DCTN5: variants seen among roughly 807,000 people sequenced by gnomAD.
DCTN5 encodes the protein dynactin subunit 5.
Under a neutral mutation model 23.5 loss-of-function variants are expected in DCTN5, and 14 were observed. The observed-to-expected ratio is 0.60, with a 90% confidence interval of 0.39 to 0.93. The LOEUF is 0.93. DCTN5 is among the 40% of genes least tolerant of loss of function. The pLI, the probability that DCTN5 is intolerant of heterozygous loss-of-function variation, is 0.00. For missense variants in DCTN5, 156 were observed against 225.9 expected (o/e 0.69, Z 1.98); for synonymous variants, 67 against 79.6 (o/e 0.84, Z 0.84).
chr16:23,665,132 G>C (rs113480112), intron 4 of DCTN5, among the ~76,000 whole-genome samples: 1,702 of 152,312 alleles, frequency 0.011, 30 homozygotes, highest in African/African-American at 0.039. Context: ...CCCAGCAAAA[G>C]CCCTGAGGTT....
intron 2 of DCTN5, among the ~76,000 whole-genome samples, chr16:23,644,785 A>G (rs920547296): frequency 6.7e-6 from 1 of 149,234 alleles, no homozygotes; most frequent in African/African-American, 2.5e-5. Flanking sequence ...TGCCATTTTA[A>G]CAATTTTTTA....
At position 23,668,686 on chromosome 16, in the gene DCTN5, C is replaced by CA. The variant is rs1967950565; in HGVS notation, c.*1543dup. On this transcript the variant is annotated 3_prime_UTR_variant, in exon 6 of 6. Coordinates refer to ENST00000300087, the MANE Select transcript of DCTN5 (RefSeq NM_032486.4). ...TTGGGAGACAACAAGCAGACTCAAC[C>CA]AGGCCTCTTTGTTGGCTTCCTTTCC... 6.6e-6 allele frequency: 1 copy of CA among 152,238 alleles called. No individual in the cohort carries two copies. Among genetic ancestry groups the CA allele is most frequent in the Admixed American group, 6.5e-5 (1 of 15,284 alleles). 9.4% of individuals were successfully genotyped at this position (152,238 alleles called of 1,614,324 possible). A position where few individuals can be genotyped will look rare whatever the true frequency, so the allele number is the denominator to read the frequency against.
intron 2 of DCTN5, among the ~76,000 whole-genome samples, chr16:23,644,294 A>ATTTTTT (rs534821955): frequency 2.0e-4 from 19 of 97,316 alleles, no homozygotes; most frequent in African/African-American, 3.4e-4. Context: ...TGCCCACCTA[A>ATTTTTT]TTTTTTTTTT....
chr16:23,659,607 A>G (rs1335702864), intron 3 of DCTN5, among the ~76,000 whole-genome samples: 4 of 152,260 alleles, frequency 2.6e-5, no homozygotes, highest in Non-Finnish European at 5.9e-5. Flanking sequence ...CACCTGTCAC[A>G]GAGGTATGAC....
intron 3 of DCTN5, among the ~76,000 whole-genome samples, chr16:23,660,098 C>G (rs1458179884): frequency 1.3e-5 from 2 of 152,128 alleles, no homozygotes; most frequent in African/African-American, 4.8e-5. Flanking sequence ...AACTTGGAAT[C>G]TTAAATTTAA....
chr16:23,657,347 A>G (rs903084517), intron 2 of DCTN5: 9 of 280,574 alleles, frequency 3.2e-5, no homozygotes, highest in Non-Finnish European at 5.7e-5. Context: ...TCCCAGCTGC[A>G]CAGAAGGCTT....
chr16:23,676,642 G>A lies in DCTN5; in HGVS notation c.*9498G>A, dbSNP rs1959228872. 6.6e-6 allele frequency: 1 copy of A among 152,180 alleles called. No individual in the cohort carries two copies. Among genetic ancestry groups the A allele is most frequent in the African/African-American group, 2.4e-5 (1 of 41,424 alleles). 9.4% of individuals were successfully genotyped at this position (152,180 alleles called of 1,614,324 possible). On this transcript the variant is annotated 3_prime_UTR_variant, in exon 6 of 6. Coordinates refer to ENST00000300087, the MANE Select transcript of DCTN5 (RefSeq NM_032486.4). ...TGGTTAATGGGATTTATTTTAGCTG[G>A]TTAAGTCCAGGACCCCTACCAGGAA... is the stretch of plus-strand genomic sequence containing the variant.
At position 23,672,493 on chromosome 16, in the gene DCTN5, C is replaced by G. The variant is rs991927085; in HGVS notation, c.*5349C>G. ...AGTCTATTGAGTTTAACCGACAGATCATACTGTGTTTTGGTAGGGAGGGAG... is the reference window on the plus strand; with the variant it reads ...AGTCTATTGAGTTTAACCGACAGATGATACTGTGTTTTGGTAGGGAGGGAG... On this transcript the variant is annotated 3_prime_UTR_variant, in exon 6 of 6. Coordinates refer to ENST00000300087, the MANE Select transcript of DCTN5 (RefSeq NM_032486.4). 6.6e-6 allele frequency: 1 copy of G among 152,136 alleles called. No homozygotes were observed. Among genetic ancestry groups the G allele is most frequent in the African/African-American group, 2.4e-5 (1 of 41,406 alleles). The allele number at this position is 152,136 out of a possible 1,614,324, so 9.4% of individuals were successfully genotyped here. A position where few individuals can be genotyped will look rare whatever the true frequency, so the allele number is the denominator to read the frequency against.
intron 2 of DCTN5, among the ~76,000 whole-genome samples, chr16:23,646,571 G>A (rs1967463434): frequency 6.6e-6 from 1 of 151,646 alleles, no homozygotes; most frequent in Non-Finnish European, 1.5e-5. Flanking sequence ...TCCATTTTGA[G>A]TTAATTTTTT....
chr16:23,662,250 G>A (rs543114136), intron 4 of DCTN5, among the ~76,000 whole-genome samples: 1 of 152,232 alleles, frequency 6.6e-6, no homozygotes, highest in Non-Finnish European at 1.5e-5. Context: ...AGGCATTTCA[G>A]GAAAGAGATT....
At chr16:23,651,415 A>G (rs888848141) in intron 2 of DCTN5, among the ~76,000 whole-genome samples, 1 of 152,230 alleles carries the variant, frequency 6.6e-6, no homozygotes, top group African/African-American at 2.4e-5. Context: ...CCTGTGATAC[A>G]ATTTACTTCC....
intron 4 of DCTN5, among the ~76,000 whole-genome samples, chr16:23,663,179 C>T (rs1967846188): frequency 6.6e-6 from 1 of 152,132 alleles, no homozygotes; most frequent in Non-Finnish European, 1.5e-5. Flanking sequence ...TGCTCAGATG[C>T]CTGAAGGAAA....
intron 2 of DCTN5, among the ~76,000 whole-genome samples, chr16:23,655,793 C>T (rs949235584): frequency 1.3e-5 from 2 of 152,200 alleles, no homozygotes; most frequent in African/African-American, 2.4e-5. Flanking sequence ...AGTCCTCCTG[C>T]ATCAGCCTCC....
intron 4 of DCTN5, among the ~76,000 whole-genome samples, chr16:23,662,560 C>T (rs990289063): frequency 2.6e-5 from 4 of 152,176 alleles, no homozygotes; most frequent in Non-Finnish European, 5.9e-5. Context: ...AATGACCATT[C>T]CCGTTAATAT....
Position 23,645,215 on chromosome 16 carries a change from A to C in DCTN5, c.117+2192A>C, listed in dbSNP as rs1967432716. Among the ~76,000 whole-genome samples, 3 of 143,002 alleles carry C rather than the reference A, an allele frequency of 2.1e-5. No homozygotes were observed. In the Admixed American group the frequency reaches 2.2e-4, roughly 10 times the overall value. 93.8% of individuals were successfully genotyped at this position (143,002 alleles called of 152,430 possible). A position where few individuals can be genotyped will look rare whatever the true frequency, so the allele number is the denominator to read the frequency against. ...AATGGCACGATCTCGGCTCACCACAACCTCCGCCTCCCAGGTTCAAGTGAT... is the reference window on the plus strand; with the variant it reads ...AATGGCACGATCTCGGCTCACCACACCCTCCGCCTCCCAGGTTCAAGTGAT... On this transcript the variant is annotated intron_variant, in intron 2 of 5. Coordinates refer to ENST00000300087, the MANE Select transcript of DCTN5 (RefSeq NM_032486.4).
At chr16:23,651,188 A>G (rs1029749932) in intron 2 of DCTN5, 2 of 1,073,382 alleles carry the variant, frequency 1.9e-6, no homozygotes, top group African/African-American at 1.6e-5. Flanking sequence ...CCACTTTGCT[A>G]TCTCTGCCTT....
chr16:23,656,016 G>C (rs1014685145), intron 2 of DCTN5, among the ~76,000 whole-genome samples: 9 of 152,162 alleles, frequency 5.9e-5, no homozygotes, highest in African/African-American at 2.2e-4. Context: ...TTGAGGCCAG[G>C]CATTTGTGAC....
chr16:23,668,239 A>G lies in DCTN5; in HGVS notation c.*1095A>G, dbSNP rs1967941723. 6.6e-6 allele frequency: 1 copy of G among 152,228 alleles called. No individual in the cohort carries two copies. The highest frequency in any genetic ancestry group is 2.4e-5 in the African/African-American group (1 of 41,462). 9.4% of individuals were successfully genotyped at this position (152,228 alleles called of 1,614,324 possible). Reference sequence around the variant, plus strand: ...TCCTTGCCTAATGCTCTGATCTGTAAGTGAATAGGGCAGAACAGTTCAGCC... The same window carrying G: ...TCCTTGCCTAATGCTCTGATCTGTAGGTGAATAGGGCAGAACAGTTCAGCC... On this transcript the variant is annotated 3_prime_UTR_variant, in exon 6 of 6. Transcript: ENST00000300087.
At chr16:23,644,502 G>A (rs561501483) in intron 2 of DCTN5, among the ~76,000 whole-genome samples, 6 of 151,762 alleles carry the variant, frequency 4.0e-5, no homozygotes, top group Admixed American at 6.5e-5. Flanking sequence ...GGGTTTCACC[G>A]TGTTAGCCAG....
Sources: allele counts gnomAD v4.1 joint callset (sites outside exome capture counted in the v4.1 genomes callset), GRCh38; gene constraint gnomAD v4.1.1; transcripts MANE v1.5; gene names NCBI Gene and HGNC (gene_info 2026-07-23, HGNC 2026-07-21).